TMEM132D: variants seen among roughly 807,000 people sequenced by gnomAD.
TMEM132D encodes transmembrane protein 132D.
Under a neutral mutation model 62.3 loss-of-function variants are expected in TMEM132D, and 21 were observed. The ratio of observed to expected loss-of-function variants is 0.34; its 90% CI spans 0.24 to 0.49. The LOEUF (loss-of-function observed/expected upper bound fraction) is 0.49. Ranked by LOEUF, TMEM132D falls within the 20% of genes least tolerant of loss-of-function variation. TMEM132D has a pLI of 0.99. For synonymous variants in TMEM132D, 621 were observed against 575.6 expected (o/e 1.08, Z -1.13); for missense variants, 1,346 against 1,402.8 (o/e 0.96, Z 0.65).
chr12:129,463,457 TTTATTTATTTATG>T (rs1378093092), intron 3 of TMEM132D, among the ~76,000 whole-genome samples: 11 of 98,170 alleles, frequency 1.1e-4, no homozygotes, highest in Non-Finnish European at 2.7e-4. Flanking sequence ...TATTTATTTA[TTTATTTATTTATG>T]TATTATTATT....
intron 4 of TMEM132D, among the ~76,000 whole-genome samples, chr12:129,258,887 T>G (rs1303164356): frequency 6.6e-6 from 1 of 152,200 alleles, no homozygotes; most frequent in Admixed American, 6.5e-5. Context: ...ATGTGTGCCT[T>G]TAGTCCAGCT....
chr12:129,606,367 T>C (rs1878624898), intron 2 of TMEM132D, among the ~76,000 whole-genome samples: 1 of 152,102 alleles, frequency 6.6e-6, no homozygotes, highest in African/African-American at 2.4e-5. Context: ...AGGTCTGTCA[T>C]ATGTATGTAG....
chr12:129,707,107 A>C (rs1482026914), intron 1 of TMEM132D, among the ~76,000 whole-genome samples: 2 of 149,644 alleles, frequency 1.3e-5, no homozygotes, highest in Non-Finnish European at 3.0e-5. Flanking sequence ...ACAATGTAAG[A>C]CAACAAAATT....
At position 129,739,328 on chromosome 12, in the gene TMEM132D, T is replaced by C. The variant is rs116278897; in HGVS notation, c.80-38630A>G. ...CCAGGTGGGGAAAATTCCCACCGCC[T>C]GATGAACTGATGAGCCTCTAGCCAA... On this transcript the variant is annotated intron_variant, in intron 1 of 8. Coordinates refer to ENST00000422113, the MANE Select transcript of TMEM132D (RefSeq NM_133448.3). Among the ~76,000 whole-genome samples, 922 of 152,176 alleles carry C rather than the reference T, an allele frequency of 6.1e-3. 9 individuals carry two copies. The highest frequency in any genetic ancestry group is 0.02 in the African/African-American group (814 of 41,536).
rs78359610 is a variant in TMEM132D at position 129,096,139 on chromosome 12, G to A, written c.1444-11437C>T. Among the ~76,000 whole-genome samples, 826 of 152,268 alleles carry A rather than the reference G, an allele frequency of 5.4e-3. 4 individuals carry two copies. Among genetic ancestry groups the A allele is most frequent in the Non-Finnish European group, 7.8e-3 (528 of 68,022 alleles). Reference sequence around the variant, plus strand: ...GTTGTTTGATTGTGACAGTAACCCAGCAAGGTAGGCATTATTACAATCCCC... The same window carrying A: ...GTTGTTTGATTGTGACAGTAACCCAACAAGGTAGGCATTATTACAATCCCC... On this transcript the variant is annotated intron_variant, in intron 5 of 8. Coordinates refer to ENST00000422113, the MANE Select transcript of TMEM132D (RefSeq NM_133448.3).
In TMEM132D at chr12:129,807,252, G is replaced by A. The variant is rs535276973; in HGVS notation, c.79+96009C>T. Reference sequence around the variant, plus strand: ...CAGGACAAGCCTGTCCCCAGGGAGCGGAGTCCACCCGCATTCTCCCCAGTG... The same window carrying A: ...CAGGACAAGCCTGTCCCCAGGGAGCAGAGTCCACCCGCATTCTCCCCAGTG... On this transcript the variant is annotated intron_variant, in intron 1 of 8. Coordinates refer to ENST00000422113, the MANE Select transcript of TMEM132D (RefSeq NM_133448.3). Among the ~76,000 whole-genome samples, 177 of 152,224 alleles carry A rather than the reference G, an allele frequency of 1.2e-3. 6 individuals are homozygous for A. In the South Asian group the frequency reaches 0.033, roughly 29 times the overall value.
rs559116256 is a variant in TMEM132D at position 129,094,948 on chromosome 12, C to T, written c.1444-10246G>A. Among the ~76,000 whole-genome samples, 767 of 149,228 alleles carry T rather than the reference C, an allele frequency of 5.1e-3. 4 individuals carry two copies. Among genetic ancestry groups the T allele is most frequent in the African/African-American group, 0.017 (696 of 40,508 alleles). ...ATCGCAAGGACAAAAAACCAAACACCGCATGTTCTCACTCATAGGTGGGAA... is the reference window on the plus strand; with the variant it reads ...ATCGCAAGGACAAAAAACCAAACACTGCATGTTCTCACTCATAGGTGGGAA... On this transcript the variant is annotated intron_variant, in intron 5 of 8. Coordinates refer to ENST00000422113, the MANE Select transcript of TMEM132D (RefSeq NM_133448.3).
intron 1 of TMEM132D, among the ~76,000 whole-genome samples, chr12:129,781,920 C>T (rs1375636075): frequency 6.6e-6 from 1 of 152,120 alleles, no homozygotes; most frequent in Non-Finnish European, 1.5e-5. Flanking sequence ...GACAGGAGAC[C>T]TTGAATTTTT....
At chr12:129,193,018 C>T (rs950681503) in intron 5 of TMEM132D, among the ~76,000 whole-genome samples, 2 of 152,028 alleles carry the variant, frequency 1.3e-5, no homozygotes, top group African/African-American at 4.8e-5. Context: ...ATTAGCCGAG[C>T]GCGGTGGCAG....
intron 2 of TMEM132D, among the ~76,000 whole-genome samples, chr12:129,651,661 G>A (rs1438732672): frequency 6.6e-6 from 1 of 152,118 alleles, no homozygotes; most frequent in Non-Finnish European, 1.5e-5. Context: ...AGCTGATAAT[G>A]GTAAAATTAG....
At chr12:129,744,218 T>C (rs1869701523) in intron 1 of TMEM132D, among the ~76,000 whole-genome samples, 1 of 152,212 alleles carries the variant, frequency 6.6e-6, no homozygotes, top group African/African-American at 2.4e-5. Context: ...ATTACATAAA[T>C]GTTAGCTATT....
intron 1 of TMEM132D, among the ~76,000 whole-genome samples, chr12:129,870,249 C>T (rs1388170289): frequency 1.3e-5 from 2 of 152,174 alleles, no homozygotes; most frequent in Non-Finnish European, 2.9e-5. Flanking sequence ...TCTCAAGGTG[C>T]TGAGATTACA....
chr12:129,260,389 G>T (rs888143178), intron 4 of TMEM132D, among the ~76,000 whole-genome samples: 1 of 152,310 alleles, frequency 6.6e-6, no homozygotes, highest in East Asian at 1.9e-4. Context: ...TGGCTGGGGT[G>T]ACAACTAGCC....
chr12:129,503,857 G>T (rs1192691224), intron 3 of TMEM132D, among the ~76,000 whole-genome samples: 5 of 151,972 alleles, frequency 3.3e-5, no homozygotes, highest in Non-Finnish European at 5.9e-5. Context: ...CAACCTTCCA[G>T]ATTTTCCTCC....
At chr12:129,657,970 T>G (rs1209033770) in intron 2 of TMEM132D, among the ~76,000 whole-genome samples, 1 of 152,158 alleles carries the variant, frequency 6.6e-6, no homozygotes, top group Non-Finnish European at 1.5e-5. Context: ...AGTAAGCAAA[T>G]CAGACCAATT....
chr12:129,223,416 G>C (rs1184616309), intron 4 of TMEM132D, among the ~76,000 whole-genome samples: 1 of 152,114 alleles, frequency 6.6e-6, no homozygotes, highest in African/African-American at 2.4e-5. Flanking sequence ...CTGGTCAATA[G>C]CCCAGACTGT....
At chr12:129,213,135 T>C (rs1879101601) in intron 4 of TMEM132D, among the ~76,000 whole-genome samples, 3 of 152,176 alleles carry the variant, frequency 2.0e-5, no homozygotes, top group Admixed American at 1.3e-4. Context: ...CTGCAGGGGA[T>C]GATGTATTTC....
intron 3 of TMEM132D, among the ~76,000 whole-genome samples, chr12:129,502,032 G>T (rs760601664): frequency 6.6e-6 from 1 of 150,592 alleles, no homozygotes; most frequent in Non-Finnish European, 1.5e-5. Context: ...ATGGAGTCTC[G>T]CTCTGTCGTC....
At chr12:129,451,585 C>G (rs1323267967) in intron 3 of TMEM132D, among the ~76,000 whole-genome samples, 1 of 152,094 alleles carries the variant, frequency 6.6e-6, no homozygotes, top group Non-Finnish European at 1.5e-5. Flanking sequence ...AAGCCAAAGA[C>G]TAAATTTGAA....
Sources: allele counts gnomAD v4.1 joint callset (sites outside exome capture counted in the v4.1 genomes callset), GRCh38; gene constraint gnomAD v4.1.1; transcripts MANE v1.5; gene names NCBI Gene and HGNC (gene_info 2026-07-23, HGNC 2026-07-21).